Variants in ZFPM2 observed in about 807,000 individuals in gnomAD.
ZFPM2 encodes the protein zinc finger protein, FOG family member 2, also known as zinc finger protein ZFPM2.
ZFPM2 carries 20 observed loss-of-function variants against 98.6 expected under a neutral mutation model. The ratio of observed to expected loss-of-function variants is 0.20; its 90% confidence interval spans 0.14 to 0.29. The LOEUF (loss-of-function observed/expected upper bound fraction) is 0.29, where lower values mean the gene tolerates loss of function less well. Among genes scored for constraint, ZFPM2 ranks in the 10% least tolerant of loss-of-function variants. The pLI is 1.00. For synonymous variants in ZFPM2, 518 were observed against 502.7 expected (o/e 1.03, Z -0.41); for missense variants, 1,310 against 1,388.6 (o/e 0.94, Z 0.90).
chr8:105,692,455 A>T (rs1389108608), intron 5 of ZFPM2, among the ~76,000 whole-genome samples: 4 of 152,240 alleles, frequency 2.6e-5, no homozygotes, highest in Non-Finnish European at 4.4e-5. Context: ...GGCATGGAAG[A>T]TTCAGTTGCA....
At chr8:105,621,121 A>T (rs1816533420) in intron 4 of ZFPM2, among the ~76,000 whole-genome samples, 1 of 152,192 alleles carries the variant, frequency 6.6e-6, no homozygotes, top group Non-Finnish European at 1.5e-5. Context: ...TACCTTGGGC[A>T]GTATGGCTAT....
intron 1 of ZFPM2, among the ~76,000 whole-genome samples, chr8:105,379,510 T>C (rs1810799644): frequency 6.6e-6 from 1 of 152,088 alleles, no homozygotes. Context: ...TCCCAGCACT[T>C]TGGGAGGCCA....
chr8:105,340,848 T>C (rs1403703074), intron 1 of ZFPM2, among the ~76,000 whole-genome samples: 1 of 151,884 alleles, frequency 6.6e-6, no homozygotes, highest in Admixed American at 6.6e-5. Context: ...TTGGCATAAG[T>C]ATACGAAGAA....
intron 3 of ZFPM2, among the ~76,000 whole-genome samples, chr8:105,457,015 A>G (rs1474657697): frequency 1.3e-5 from 2 of 152,212 alleles, no homozygotes; most frequent in African/African-American, 4.8e-5. Flanking sequence ...GGTTTATCAA[A>G]TAGCTTATGA....
chr8:105,591,912 T>A (rs1311345244), intron 4 of ZFPM2, among the ~76,000 whole-genome samples: 1 of 151,904 alleles, frequency 6.6e-6, no homozygotes, highest in Non-Finnish European at 1.5e-5. Context: ...GAAAGAAAAA[T>A]TAACACCAGA....
chr8:105,617,584 A>G (rs754916004), intron 4 of ZFPM2, among the ~76,000 whole-genome samples: 1 of 152,190 alleles, frequency 6.6e-6, no homozygotes, highest in Non-Finnish European at 1.5e-5. Context: ...CTCAGATTGC[A>G]TACTGATGCC....
At chr8:105,411,223 G>A (rs1272868755) in intron 1 of ZFPM2, among the ~76,000 whole-genome samples, 1 of 151,756 alleles carries the variant, frequency 6.6e-6, no homozygotes, top group Non-Finnish European at 1.5e-5. Flanking sequence ...GCTGCTTTCA[G>A]TTGCAAATGT....
intron 3 of ZFPM2, among the ~76,000 whole-genome samples, chr8:105,502,042 CAA>C (rs1275131284): frequency 4.6e-5 from 7 of 151,884 alleles, no homozygotes; most frequent in Admixed American, 4.6e-4. Flanking sequence ...ATTAAGAACA[CAA>C]AAGATGACAT....
chr8:105,569,656 T>C (rs139767390), intron 4 of ZFPM2, among the ~76,000 whole-genome samples: 1 of 152,278 alleles, frequency 6.6e-6, no homozygotes, highest in African/African-American at 2.4e-5. Context: ...GCTAGGAGGA[T>C]GAGGTGTTGC....
intron 1 of ZFPM2, among the ~76,000 whole-genome samples, chr8:105,406,215 A>G (rs1286314190): frequency 3.3e-5 from 5 of 151,966 alleles, no homozygotes; most frequent in African/African-American, 1.2e-4. Context: ...ATTTTCTCCC[A>G]TTCTGTAGGT....
chr8:105,665,304 G>T (rs142338814), intron 5 of ZFPM2, among the ~76,000 whole-genome samples: 16 of 152,148 alleles, frequency 1.1e-4, no homozygotes, highest in South Asian at 4.2e-4. Context: ...AGAAATTAAG[G>T]TTCCAACAAA....
chr8:105,465,548 T>G (rs1183911518), intron 3 of ZFPM2, among the ~76,000 whole-genome samples: 1 of 151,950 alleles, frequency 6.6e-6, no homozygotes, highest in African/African-American at 2.4e-5. Context: ...GAAATTATAC[T>G]TGTAGACTTT....
At chr8:105,783,319 TGTTCTAG>T (rs1407823312) in intron 5 of ZFPM2, among the ~76,000 whole-genome samples, 1 of 148,736 alleles carries the variant, frequency 6.7e-6, no homozygotes, top group Non-Finnish European at 1.5e-5. Context: ...TTCATGCCAA[TGTTCTAG>T]GTTCACAGAG....
At chr8:105,788,168 T>C (rs1343136218) in intron 5 of ZFPM2, among the ~76,000 whole-genome samples, 1 of 152,140 alleles carries the variant, frequency 6.6e-6, no homozygotes, top group African/African-American at 2.4e-5. Context: ...CATAGCAGAG[T>C]ACAACTACCT....
chr8:105,580,179 A>G (rs1014011371), intron 4 of ZFPM2, among the ~76,000 whole-genome samples: 3 of 152,186 alleles, frequency 2.0e-5, no homozygotes, highest in Non-Finnish European at 4.4e-5. Flanking sequence ...GGCACCAAAC[A>G]TAAAGATATG....
At chr8:105,530,534 G>A (rs566587143) in intron 3 of ZFPM2, among the ~76,000 whole-genome samples, 22 of 152,110 alleles carry the variant, frequency 1.4e-4, no homozygotes, top group Non-Finnish European at 1.3e-4. Flanking sequence ...GCAAATGGCC[G>A]CCTTCTTGCT....
intron 5 of ZFPM2, among the ~76,000 whole-genome samples, chr8:105,664,274 C>G (rs1183728691): frequency 2.6e-5 from 4 of 151,720 alleles, no homozygotes; most frequent in Non-Finnish European, 5.9e-5. Flanking sequence ...TATACCATAT[C>G]AAATAATCAC....
At chr8:105,777,265 T>C (rs1813123887) in intron 5 of ZFPM2, among the ~76,000 whole-genome samples, 1 of 152,204 alleles carries the variant, frequency 6.6e-6, no homozygotes, top group Admixed American at 6.5e-5. Context: ...AACAAAAGCC[T>C]TGATATCTTA....
chr8:105,504,055 A>C (rs1360564236), intron 3 of ZFPM2, among the ~76,000 whole-genome samples: 2 of 152,108 alleles, frequency 1.3e-5, no homozygotes, highest in East Asian at 3.9e-4. Context: ...GCTTGTCAAG[A>C]AGTAAGGAAC....
Sources: allele counts gnomAD v4.1 joint callset (sites outside exome capture counted in the v4.1 genomes callset), GRCh38; gene constraint gnomAD v4.1.1; transcripts MANE v1.5; gene names NCBI Gene and HGNC (gene_info 2026-07-23, HGNC 2026-07-21).